Variants in GABRA3 observed in about 807,000 individuals in gnomAD.
GABRA3 encodes gamma-aminobutyric acid type A receptor subunit alpha3, also known as gamma-aminobutyric acid receptor subunit alpha-3.
A neutral mutation model predicts 30.1 loss-of-function variants in GABRA3; 10 were observed. The ratio of observed to expected loss-of-function variants is 0.33; its 90% confidence interval spans 0.20 to 0.56. GABRA3 has a LOEUF of 0.56. Ranked by LOEUF, GABRA3 falls within the 20% of genes least tolerant of loss-of-function variation. The pLI, the probability that GABRA3 is intolerant of heterozygous loss-of-function variation, is 0.89. For missense variants in GABRA3, 233 were observed against 392.0 expected, an observed-to-expected ratio of 0.59 and a Z score of 3.42; for synonymous variants, 151 against 146.8, an observed-to-expected ratio of 1.03 and a Z score of -0.21.
At chrX:152,260,324 G>A (rs1156537080) in intron 4 of GABRA3, among the ~76,000 whole-genome samples, 1 of 111,683 alleles carries the variant, frequency 9.0e-6, no homozygotes, top group African/African-American at 3.3e-5. Context: ...ACCCCAAATG[G>A]AAGGACACAG....
At chrX:152,376,668 A>G (rs180860605) in intron 1 of GABRA3, among the ~76,000 whole-genome samples, 3 of 111,633 alleles carry the variant, frequency 2.7e-5, no homozygotes, top group African/African-American at 9.7e-5. Flanking sequence ...TCTTTTATCA[A>G]TCAAGTTTCT....
At chrX:152,266,640 G>A (rs991957755) in intron 4 of GABRA3, among the ~76,000 whole-genome samples, 1 of 111,609 alleles carries the variant, frequency 9.0e-6, no homozygotes, top group Non-Finnish European at 1.9e-5. Flanking sequence ...ATCACTCACA[G>A]CCTTCAGGTT....
In GABRA3 at chrX:152,200,358, A is replaced by C. The variant is rs147779948; in HGVS notation, c.779-2573T>G. 3.7e-3 allele frequency among the ~76,000 whole-genome samples: 417 copies of C among 112,282 alleles called. 8 individuals are homozygous for C. The East Asian group carries it at 0.077, about 21-fold the overall frequency. Reference sequence around the variant, plus strand: ...GCACCATCTGGTCATCCAAGGCTCAATATACAACCCTTATTGAATATGTAT... The same window carrying C: ...GCACCATCTGGTCATCCAAGGCTCACTATACAACCCTTATTGAATATGTAT... On this transcript the variant is annotated intron_variant, in intron 7 of 9. Coordinates refer to ENST00000370314, the MANE Select transcript of GABRA3 (RefSeq NM_000808.4).
intron 5 of GABRA3, among the ~76,000 whole-genome samples, chrX:152,231,341 A>C (rs373953519): frequency 9.1e-6 from 1 of 109,473 alleles, no homozygotes; most frequent in African/African-American, 3.3e-5. Flanking sequence ...GTGTGTATAC[A>C]CGTGTGTATA....
At chrX:152,256,536 T>C (rs370374893) in intron 4 of GABRA3, among the ~76,000 whole-genome samples, 3 of 111,738 alleles carry the variant, frequency 2.7e-5, no homozygotes, top group East Asian at 2.8e-4. Context: ...ACATACCTTA[T>C]AGACAAATAA....
chrX:152,263,023 G>A (rs765002922), intron 4 of GABRA3, among the ~76,000 whole-genome samples: 18 of 111,308 alleles, frequency 1.6e-4, no homozygotes, highest in South Asian at 7.7e-4. Context: ...TTCACATGGC[G>A]GCAGGAGAGA....
chrX:152,168,121 G>T lies in GABRA3; in HGVS notation c.*107C>A. The T allele has an allele frequency of 1.7e-6, 1 of 577,129 alleles. No homozygotes were observed. The highest frequency in any genetic ancestry group is 3.4e-5 in the East Asian group (1 of 29,779). The allele number at this position is 577,129 out of a possible 1,213,427, so 47.6% of individuals were successfully genotyped here. A position where few individuals can be genotyped will look rare whatever the true frequency, so the allele number is the denominator to read the frequency against. On this transcript the variant is annotated 3_prime_UTR_variant, in exon 10 of 10. Transcript: ENST00000370314. ...AATTGAGGGTCACAGCTTGGTAGAG[G>T]GGTAAAAAGGAGAATCCTGAAATAC...
chrX:152,246,994 C>T (rs1232502924), intron 5 of GABRA3, among the ~76,000 whole-genome samples: 3 of 112,017 alleles, frequency 2.7e-5, no homozygotes, highest in Non-Finnish European at 5.6e-5. Flanking sequence ...AATGAAAACA[C>T]AAGTGCAAGC....
intron 8 of GABRA3, among the ~76,000 whole-genome samples, chrX:152,194,913 C>G (rs1303076747): frequency 9.1e-6 from 1 of 110,492 alleles, no homozygotes; most frequent in Non-Finnish European, 1.9e-5. Flanking sequence ...GGATGTGCCA[C>G]CACGTCTGGC....
At chrX:152,247,401 T>A (rs185901224) in intron 5 of GABRA3, among the ~76,000 whole-genome samples, 1 of 111,102 alleles carries the variant, frequency 9.0e-6, no homozygotes, top group African/African-American at 3.3e-5. Context: ...CACTTCAGAT[T>A]TGTTATTTAA....
intron 2 of GABRA3, among the ~76,000 whole-genome samples, chrX:152,348,724 T>C (rs73639082): frequency 0.12 from 13,525 of 111,903 alleles, 670 homozygotes; most frequent in African/African-American, 0.17. Context: ...GTAAAAGTTA[T>C]GTTTATACTG....
At chrX:152,362,457 G>A (rs142941458) in intron 2 of GABRA3, among the ~76,000 whole-genome samples, 1,333 of 111,235 alleles carry the variant, frequency 0.012, 61 homozygotes, top group Admixed American at 0.11. Context: ...GGTAGAAGCT[G>A]GGTCCTAATG....
chrX:152,374,407 G>C (rs1280394105), intron 1 of GABRA3, among the ~76,000 whole-genome samples: 2 of 98,325 alleles, frequency 2.0e-5, no homozygotes, highest in African/African-American at 7.6e-5. Flanking sequence ...CTGGAGTGCA[G>C]TGGCACAATC....
intron 1 of GABRA3, among the ~76,000 whole-genome samples, chrX:152,398,664 T>G (rs765171351): frequency 3.6e-5 from 4 of 112,486 alleles, no homozygotes; most frequent in African/African-American, 1.3e-4. Context: ...GATATATGTT[T>G]CTACTTAGAC....
At chrX:152,236,556 T>G (rs1218519721) in intron 5 of GABRA3, among the ~76,000 whole-genome samples, 39 of 99,336 alleles carry the variant, frequency 3.9e-4, no homozygotes, top group African/African-American at 1.4e-3. Flanking sequence ...TCTAGATCCC[T>G]GAGGAATCGC....
At chrX:152,278,866 A>C (rs1474316905) in intron 4 of GABRA3, among the ~76,000 whole-genome samples, 1 of 112,089 alleles carries the variant, frequency 8.9e-6, no homozygotes, top group East Asian at 2.8e-4. Flanking sequence ...GCCACTGATG[A>C]TGAGCATTTT....
chrX:152,286,546 T>C (rs1002754619), intron 3 of GABRA3, among the ~76,000 whole-genome samples: 1 of 111,401 alleles, frequency 9.0e-6, no homozygotes, highest in African/African-American at 3.3e-5. Context: ...CTATTTCTTT[T>C]CTCTCACGGA....
chrX:152,399,197 CA>C (rs1929733554), intron 1 of GABRA3, among the ~76,000 whole-genome samples: 1 of 111,347 alleles, frequency 9.0e-6, no homozygotes, highest in Non-Finnish European at 1.9e-5. Flanking sequence ...GTATAATGCT[CA>C]AACAGACACA....
At chrX:152,287,047 CTG>C (rs764286041) in intron 3 of GABRA3, among the ~76,000 whole-genome samples, 1 of 111,651 alleles carries the variant, frequency 9.0e-6, no homozygotes, top group African/African-American at 3.3e-5. Context: ...TATATACCTA[CTG>C]TGTGACATAA....
Sources: gnomAD v4.1 joint callset for allele counts (sites outside exome capture counted in the v4.1 genomes callset) on GRCh38, gnomAD v4.1.1 for gene constraint, MANE v1.5 for transcripts, NCBI Gene and HGNC (gene_info 2026-07-23, HGNC 2026-07-21) for gene names.